Variants in PIEZO2 observed in about 807,000 individuals in gnomAD.
The protein encoded by PIEZO2 is piezo type mechanosensitive ion channel component 2, also known as piezo-type mechanosensitive ion channel component 2.
A neutral mutation model predicts 337.3 loss-of-function variants in PIEZO2; 172 were observed. That is an observed-to-expected ratio of 0.51 (90% confidence interval 0.45 to 0.58). The LOEUF is 0.58. Among genes scored for constraint, PIEZO2 ranks in the 20% least tolerant of loss-of-function variants. The probability of loss-of-function intolerance (pLI) is 0.00; values close to 1 mark genes in which losing one functional copy is unlikely to be tolerated. For synonymous variants in PIEZO2, 1,251 were observed against 1,228.5 expected, an observed-to-expected ratio of 1.02 and a Z score of -0.38; for missense variants, 3,028 against 3,391.3, an observed-to-expected ratio of 0.89 and a Z score of 2.66.
chr18:10,979,418 A>G lies in PIEZO2; in HGVS notation c.286+117T>C. On this transcript the variant is annotated intron_variant, in intron 3 of 55. Transcript: ENST00000674853. The surrounding 1 kb of genome is among the most constrained non-coding windows in gnomAD (Gnocchi z 4.0). ...TTGCCAAAGACCAAAAATTTCCATG[A>G]ATTTTATAATTTAATTATTGCATAG... 4.3e-6 allele frequency: 5 copies of G among 1,170,958 alleles called. No homozygotes were observed. Among genetic ancestry groups the G allele is most frequent in the Non-Finnish European group, 4.4e-6 (4 of 905,206 alleles). The allele number at this position is 1,170,958 out of a possible 1,614,324, so 72.5% of individuals were successfully genotyped here.
chr18:10,822,537 C>CA (rs2040548151), intron 7 of PIEZO2, among the ~76,000 whole-genome samples: 1 of 152,156 alleles, frequency 6.6e-6, no homozygotes, highest in Non-Finnish European at 1.5e-5. Flanking sequence ...GCTGGAGCAC[C>CA]AGGCTCCTTT....
chr18:10,736,887 C>T lies in PIEZO2; in HGVS notation c.4709-177G>A, dbSNP rs66808231. On this transcript the variant is annotated intron_variant, in intron 33 of 55. Transcript: ENST00000674853. ...GAACTCATCTTCGGCTAATGCTACG[C>T]GGTGTTGGCATATTGGGTCTACAGA... Among the ~76,000 whole-genome samples the T allele has an allele frequency of 0.24, 35,838 of 151,980 alleles. 4,354 individuals are homozygous for T. Among genetic ancestry groups the T allele is most frequent in the Non-Finnish European group, 0.28 (18,742 of 67,952 alleles).
intron 1 of PIEZO2, among the ~76,000 whole-genome samples, chr18:11,081,759 C>CT (rs547000060): frequency 0.11 from 14,644 of 137,424 alleles, 989 homozygotes; most frequent in Non-Finnish European, 0.15. Flanking sequence ...CTCAACTCAA[C>CT]TTTTTTTTTT....
Position 10,945,365 on chromosome 18 carries a change from C to G in PIEZO2, c.287-34137G>C, listed in dbSNP as rs115338688. ...TGGCTGAAACTCTCTAAAAGACCCT[C>G]TCTTCCTTAAGAGAGAACAGTGCCC... On this transcript the variant is annotated intron_variant, in intron 3 of 55. Transcript: ENST00000674853. This position sits in a 1 kb window ranked among gnomAD's most constrained non-coding sequence, Gnocchi z 4.0. Among the ~76,000 whole-genome samples the G allele has an allele frequency of 6.8e-3, 1,041 of 152,256 alleles. 23 individuals are homozygous for G. The highest frequency in any genetic ancestry group is 0.024 in the African/African-American group (980 of 41,550).
At chr18:10,787,363 T>C (rs2039259822) in intron 15 of PIEZO2, among the ~76,000 whole-genome samples, 179 bp from the exon 16 acceptor site, 1 of 152,234 alleles carries the variant, frequency 6.6e-6, no homozygotes, top group Admixed American at 6.5e-5. Flanking sequence ...GGTCCTGGGT[T>C]AGAACCCCAG....
intron 2 of PIEZO2, among the ~76,000 whole-genome samples, chr18:11,037,156 G>A (rs112522471): frequency 2.2e-4 from 33 of 152,088 alleles, no homozygotes; most frequent in Non-Finnish European, 3.4e-4. Context: ...TAGTAGAGAC[G>A]GGGTTTCACC....
At chr18:11,058,684 GATGAAATGA>G (rs2037820491) in intron 2 of PIEZO2, among the ~76,000 whole-genome samples, 1 of 152,140 alleles carries the variant, frequency 6.6e-6, no homozygotes, top group South Asian at 2.1e-4. Context: ...GGTGATGGAA[GATGAAATGA>G]ATGAAATGAA....
At chr18:11,123,251 T>C (rs1374720317) in intron 1 of PIEZO2, among the ~76,000 whole-genome samples, 1 of 152,326 alleles carries the variant, frequency 6.6e-6, no homozygotes, top group Non-Finnish European at 1.5e-5. Flanking sequence ...TACACTTAGC[T>C]TTTGCATCTG....
At chr18:11,064,253 A>C (rs1040327265) in intron 2 of PIEZO2, among the ~76,000 whole-genome samples, 1 of 152,210 alleles carries the variant, frequency 6.6e-6, no homozygotes, top group African/African-American at 2.4e-5. Context: ...CTATATAAAC[A>C]AACACATAAA....
At chr18:11,095,128 T>C (rs1461252600) in intron 1 of PIEZO2, among the ~76,000 whole-genome samples, 3 of 152,224 alleles carry the variant, frequency 2.0e-5, no homozygotes, top group Non-Finnish European at 4.4e-5. Flanking sequence ...CCAAGTTTGC[T>C]ACATGGAATG....
Position 11,133,555 on chromosome 18 carries a change from G to A in PIEZO2, c.64+14970C>T, listed in dbSNP as rs1176989751. Among the ~76,000 whole-genome samples the A allele has an allele frequency of 2.6e-5, 4 of 152,078 alleles. No homozygotes were observed. The East Asian group carries it at 7.7e-4, about 29-fold the overall frequency. The stretch of plus-strand genomic sequence containing the variant: ...GGCAGATCCACCCTTAATCTGGTGG[G>A]CACAATCTAATCAGCTGCCAGTGAA... On this transcript the variant is annotated intron_variant, in intron 1 of 55. Coordinates refer to ENST00000674853, the MANE Select transcript of PIEZO2 (RefSeq NM_001378183.1).
chr18:10,734,131 A>C (rs1218423881), intron 35 of PIEZO2, among the ~76,000 whole-genome samples: 1 of 152,206 alleles, frequency 6.6e-6, no homozygotes, highest in Non-Finnish European at 1.5e-5. Flanking sequence ...TTTGAAAAGA[A>C]ACTAAGATGG....
chr18:10,720,038 G>C (rs1221782397), intron 36 of PIEZO2, among the ~76,000 whole-genome samples: 2 of 151,974 alleles, frequency 1.3e-5, no homozygotes, highest in East Asian at 3.9e-4. Context: ...AGTACATCTT[G>C]AGAATTTTCA....
At position 10,857,146 on chromosome 18, in the gene PIEZO2, A is replaced by T; in HGVS notation, c.558T>A (p.Asp186Glu). 3 of 1,537,830 alleles carry T rather than the reference A, an allele frequency of 2.0e-6. No homozygotes were observed. The highest frequency in any genetic ancestry group is 2.4e-5 in the South Asian group (2 of 84,058). Residue 186 changes from aspartate (D) to glutamate (E), a missense_variant, in exon 6 of 56, where the codon GAT becomes GAA. Coordinates refer to ENST00000674853, the MANE Select transcript of PIEZO2 (RefSeq NM_001378183.1). ...TTTCTTCCAACTCGCCTTCAACACC[A>T]TCTCCTCCATTGAAATCCTCTTCAT... The part of the protein sequence containing the change: ...LIYEEDFNGG[D>E]GVEGELEEST...
Position 10,819,432 on chromosome 18 carries a change from A to G in PIEZO2, c.918-12158T>C, listed in dbSNP as rs935638150. The stretch of plus-strand genomic sequence containing the variant: ...CAGTTATTAATCAATGGAAAGAATA[A>G]TGCTGAAGATATAAGCATACCAATG... On this transcript the variant is annotated intron_variant, in intron 7 of 55. Transcript: ENST00000674853. The surrounding 1 kb of genome is among the most constrained non-coding windows in gnomAD (Gnocchi z 4.3). 2.0e-5 allele frequency among the ~76,000 whole-genome samples: 3 copies of G among 152,226 alleles called. No individual in the cohort carries two copies. Among genetic ancestry groups the G allele is most frequent in the African/African-American group, 7.2e-5 (3 of 41,456 alleles).
At chr18:10,890,109 G>C (rs1375204302) in intron 4 of PIEZO2, among the ~76,000 whole-genome samples, 1 of 152,216 alleles carries the variant, frequency 6.6e-6, no homozygotes, top group Non-Finnish European at 1.5e-5. Context: ...TAATTGGCTA[G>C]CAAAGCTCTT....
At position 11,066,153 on chromosome 18, in the gene PIEZO2, G is replaced by A. The variant is rs932596927; in HGVS notation, c.134C>T (p.Ser45Leu). Reference sequence around the variant, plus strand: ...TTGCATCGTCGTTTTTGTTGGTTCTGAGAACAGAGGAATGAGCAAGAGGTA... The same window carrying A: ...TTGCATCGTCGTTTTTGTTGGTTCTAAGAACAGAGGAATGAGCAAGAGGTA... The part of the protein sequence containing the change: ...LIYLLLIPLF[S>L]EPTKTTMQGH... Residue 45 changes from serine (S) to leucine (L), a missense_variant, in exon 2 of 56, where the codon TCA becomes TTA. By Grantham distance (145) the Ser-to-Leu change is moderately radical. This residue lies in a region of PIEZO2 where 542 missense variants were observed against 605.6 expected (regional missense o/e 0.89). Transcript: ENST00000674853. 30 of 1,533,690 alleles carry A rather than the reference G, an allele frequency of 2.0e-5. No individual in the cohort carries two copies. The highest frequency in any genetic ancestry group is 1.5e-4 in the East Asian group (6 of 40,808).
At chr18:10,703,832 T>A (rs1450031995) in intron 42 of PIEZO2, among the ~76,000 whole-genome samples, 4 of 152,224 alleles carry the variant, frequency 2.6e-5, no homozygotes, top group African/African-American at 9.7e-5. Flanking sequence ...ACCCTTCAGA[T>A]GCTAAGCGGG....
intron 35 of PIEZO2, among the ~76,000 whole-genome samples, chr18:10,733,639 G>A (rs1196145509): frequency 2.0e-5 from 3 of 151,972 alleles, no homozygotes; most frequent in African/African-American, 4.8e-5. Flanking sequence ...TAGTAGAGAC[G>A]GGGTTTCACT....
Sources: gnomAD v4.1 joint callset for allele counts (sites outside exome capture counted in the v4.1 genomes callset) on GRCh38, gnomAD v4.1.1 for gene constraint, gnomAD v4.1.1 regional missense constraint, Gnocchi (gnomAD v3.1) non-coding constraint, MANE v1.5 for transcripts, NCBI Gene and HGNC (gene_info 2026-07-23, HGNC 2026-07-21) for gene names.